The following TNPO3 variants were observed in gnomAD, a reference collection of about 807,000 sequenced individuals.
TNPO3 encodes the protein transportin 3.
Under a neutral mutation model 122.8 loss-of-function variants are expected in TNPO3, and 65 were observed. That is an observed-to-expected ratio of 0.53 (90% CI 0.43 to 0.65). The LOEUF is 0.65. Among genes scored for constraint, TNPO3 ranks in the 30% least tolerant of loss-of-function variants. TNPO3 has a pLI of 0.00. For missense variants in TNPO3, 850 were observed against 1,136.7 expected, an observed-to-expected ratio of 0.75 and a Z score of 3.63; for synonymous variants, 372 against 411.2, an observed-to-expected ratio of 0.90 and a Z score of 1.15.
At position 128,970,278 on chromosome 7, in the gene TNPO3, C is replaced by G; in HGVS notation, c.2468G>C (p.Gly823Ala). 6.2e-7 allele frequency: 1 copy of G among 1,610,022 alleles called. No individual in the cohort carries two copies. The highest frequency in any genetic ancestry group is 8.5e-7 in the Non-Finnish European group (1 of 1,178,120). ...CTGTCCAAGCTGGTTCATCACCTGTCCAATCAGTTCTTTCCGTAATTCAAA... is the reference window on the plus strand; with the variant it reads ...CTGTCCAAGCTGGTTCATCACCTGTGCAATCAGTTCTTTCCGTAATTCAAA... ...EDFELRKELIGQVMNQLGQQL... is the reference protein window; with the variant it reads ...EDFELRKELIAQVMNQLGQQL... Residue 823 changes from glycine to alanine, a missense_variant, in exon 20 of 23, where the codon GGA (glycine) becomes GCA (alanine). By Grantham distance (60) the Gly-to-Ala change is moderately conservative. Coordinates refer to ENST00000265388, the MANE Select transcript of TNPO3 (RefSeq NM_012470.4).
intron 18 of TNPO3, among the ~76,000 whole-genome samples, 190 bp downstream of exon 18, chr7:128,974,678 T>C (rs1044788726): frequency 6.6e-6 from 1 of 152,194 alleles, no homozygotes; most frequent in African/African-American, 2.4e-5. Context: ...CCTTTATCCC[T>C]TGCTTCCCGC....
intron 1 of TNPO3, among the ~76,000 whole-genome samples, chr7:129,031,889 G>C (rs959383350): frequency 4.6e-5 from 7 of 152,102 alleles, no homozygotes; most frequent in African/African-American, 1.4e-4. Flanking sequence ...GTGTTGCTAT[G>C]TTGCCCAGAT....
intron 1 of TNPO3, chr7:129,041,586 C>T (rs1400729690): frequency 1.0e-6 from 1 of 985,390 alleles, no homozygotes; most frequent in African/African-American, 1.7e-5. Flanking sequence ...CCACAGATGC[C>T]AGGTGCTACC....
At chr7:129,036,825 A>C (rs1040779010) in intron 1 of TNPO3, among the ~76,000 whole-genome samples, 1 of 152,190 alleles carries the variant, frequency 6.6e-6, no homozygotes, top group African/African-American at 2.4e-5. Flanking sequence ...TGGAAGTAAA[A>C]AAATACGGTA....
rs909994178 is a variant in TNPO3, at chr7:128,955,213, T to G, written c.*204A>C. ...TTTTAAAATCCGCGCTGATTTTCCC[T>G]CACACCCCCAAACAGGAACTCCTCA... is the stretch of plus-strand genomic sequence containing the variant. On this transcript the variant is annotated 3_prime_UTR_variant, in exon 23 of 23. Coordinates refer to ENST00000265388, the MANE Select transcript of TNPO3 (RefSeq NM_012470.4). 5 of 391,940 alleles carry G rather than the reference T, an allele frequency of 1.3e-5. No individual in the cohort carries two copies. In the Admixed American group the frequency reaches 1.7e-4, roughly 13 times the overall value. The allele number at this position is 391,940 out of a possible 1,614,324, so 24.3% of individuals were successfully genotyped here. A position where few individuals can be genotyped will look rare whatever the true frequency, so the allele number is the denominator to read the frequency against.
rs148588258 is a variant in TNPO3 at position 128,955,004 on chromosome 7, C to T, written c.*413G>A. ...TTTTCTGTGTACACGTGCGCACTGG[C>T]GCTTGTGCGTGTATGTGTGTGTGCG... On this transcript the variant is annotated 3_prime_UTR_variant, in exon 23 of 23. Transcript: ENST00000265388. The T allele has an allele frequency of 6.0e-5, 14 of 234,964 alleles. No individual in the cohort carries two copies. The highest frequency in any genetic ancestry group is 3.0e-4 in the East Asian group (2 of 6,624). The allele number at this position is 234,964 out of a possible 1,614,324, so 14.6% of individuals were successfully genotyped here.
At chr7:128,987,967 A>G (rs992764137) in intron 11 of TNPO3, among the ~76,000 whole-genome samples, 11 of 151,976 alleles carry the variant, frequency 7.2e-5, no homozygotes, top group Non-Finnish European at 1.6e-4. Context: ...TCAAAATAAT[A>G]ACATCTTTTT....
Position 129,031,477 on chromosome 7 carries a change from C to T in TNPO3, c.121-13320G>A, listed in dbSNP as rs114531057. ...AATAAACAAATTCCTAGAAAAATAA[C>T]CTAACAAGACTAAATCATGAAGAAA... On this transcript the variant is annotated intron_variant, in intron 1 of 22. Coordinates refer to ENST00000265388, the MANE Select transcript of TNPO3 (RefSeq NM_012470.4). Among the ~76,000 whole-genome samples the T allele has an allele frequency of 5.4e-3, 818 of 152,112 alleles. 7 individuals are homozygous for T. Among genetic ancestry groups the T allele is most frequent in the African/African-American group, 0.019 (790 of 41,486 alleles).
chr7:129,044,088 G>A (rs563024435), intron 1 of TNPO3, among the ~76,000 whole-genome samples: 2 of 152,248 alleles, frequency 1.3e-5, no homozygotes, highest in Admixed American at 6.5e-5. Context: ...TTGTAATAAC[G>A]CATTAAAGTG....
chr7:128,982,391 A>G, intron 13 of TNPO3, 67 bp from the exon 14 acceptor site: 13 of 1,348,866 alleles, frequency 9.6e-6, no homozygotes, highest in Non-Finnish European at 1.4e-5. Context: ...ACACTGCAAC[A>G]TACATCAACC....
intron 1 of TNPO3, among the ~76,000 whole-genome samples, chr7:129,032,746 G>C (rs1806095830): frequency 6.6e-6 from 1 of 152,122 alleles, no homozygotes; most frequent in Admixed American, 6.6e-5. Context: ...TCACAGACTA[G>C]AAGACTTAAT....
Position 129,002,690 on chromosome 7 carries a change from G to C in TNPO3, c.697-1456C>G, listed in dbSNP as rs559204296. Among the ~76,000 whole-genome samples, 208 of 152,040 alleles carry C rather than the reference G, an allele frequency of 1.4e-3. 1 individual carries two copies. The highest frequency in any genetic ancestry group is 6.8e-3 in the Middle Eastern group (2 of 292). On this transcript the variant is annotated intron_variant, in intron 5 of 22. Coordinates refer to ENST00000265388, the MANE Select transcript of TNPO3 (RefSeq NM_012470.4). ...TCCCAGCACTTTGGGAGGCCAAGGT[G>C]GGCAGATCACAAGGTCAGGAGATCG... is the stretch of plus-strand genomic sequence containing the variant.
chr7:129,032,312 C>T (rs887830752), intron 1 of TNPO3, among the ~76,000 whole-genome samples: 2 of 152,222 alleles, frequency 1.3e-5, no homozygotes, highest in East Asian at 1.9e-4. Flanking sequence ...AGGATATCTA[C>T]TGTTGCCACT....
Position 129,014,864 on chromosome 7 carries a change from G to A in TNPO3, c.552+115C>T, listed in dbSNP as rs186202752. The A allele has an allele frequency of 8.7e-4, 867 of 995,294 alleles. 1 individual carries two copies. Among genetic ancestry groups the A allele is most frequent in the Middle Eastern group, 3.8e-3 (14 of 3,706 alleles). 61.7% of individuals were successfully genotyped at this position (995,294 alleles called of 1,614,324 possible). On this transcript the variant is annotated intron_variant, in intron 4 of 22. Coordinates refer to ENST00000265388, the MANE Select transcript of TNPO3 (RefSeq NM_012470.4). The stretch of plus-strand genomic sequence containing the variant: ...GGTAAGGTGTTACATAAATACCAAA[G>A]CATCATCATTAAATTTTGCAAAGAA...
Position 129,001,235 on chromosome 7 carries a change from C to G in TNPO3, c.697-1G>C. 1 of 1,596,520 alleles carries G rather than the reference C, an allele frequency of 6.3e-7. No individual in the cohort carries two copies. The highest frequency in any genetic ancestry group is 8.6e-7 in the Non-Finnish European group (1 of 1,166,410). On this transcript the variant is annotated splice_acceptor_variant, in intron 5 of 22. Transcript: ENST00000265388. LOFTEE classifies it high-confidence loss of function. ...GGTTAGACGAGGTCTTATCCTGTTG[C>G]TGGGGAGGTAGCAGGAATAGGGAAG...
At chr7:128,977,750 C>T (rs537439720) in intron 16 of TNPO3, among the ~76,000 whole-genome samples, 164 of 152,262 alleles carry the variant, frequency 1.1e-3, no homozygotes, top group African/African-American at 3.5e-3. Context: ...GCGCCTGCCA[C>T]TGCGCCTGGC....
chr7:129,033,445 A>G (rs1266203891), intron 1 of TNPO3, among the ~76,000 whole-genome samples: 2 of 152,204 alleles, frequency 1.3e-5, no homozygotes, highest in Non-Finnish European at 2.9e-5. Context: ...AAAACCTCAG[A>G]AAATAATATG....
At position 128,980,010 on chromosome 7, in the gene TNPO3, T is replaced by A; in HGVS notation, c.1881A>T (p.Glu627Asp). 6.2e-7 allele frequency: 1 copy of A among 1,614,154 alleles called. No individual in the cohort carries two copies. Among genetic ancestry groups the A allele is most frequent in the African/African-American group, 1.3e-5 (1 of 75,050 alleles). Residue 627 changes from glutamate (E) to aspartate (D), a missense_variant, in exon 15 of 23, where the codon GAA becomes GAT. Coordinates refer to ENST00000265388, the MANE Select transcript of TNPO3 (RefSeq NM_012470.4). Reference protein sequence around the residue: ...VIFRHTNPIVENGQTHPCQKV... With the variant: ...VIFRHTNPIVDNGQTHPCQKV... ...TCTGACACGGATGAGTCTGTCCATTTTCCACAATGGGATTGGTATGCCTGG... is the reference window on the plus strand; with the variant it reads ...TCTGACACGGATGAGTCTGTCCATTATCCACAATGGGATTGGTATGCCTGG...
chr7:129,013,879 A>G (rs555373929), intron 4 of TNPO3, among the ~76,000 whole-genome samples: 17 of 152,248 alleles, frequency 1.1e-4, no homozygotes, highest in African/African-American at 3.4e-4. Context: ...AGAAAGACAA[A>G]TATCACATGC....
Sources: allele counts gnomAD v4.1 joint callset (sites outside exome capture counted in the v4.1 genomes callset), GRCh38; gene constraint gnomAD v4.1.1; transcripts MANE v1.5; gene names NCBI Gene and HGNC (gene_info 2026-07-23, HGNC 2026-07-21).